The following HIVEP3 variants were observed in gnomAD, a reference collection of about 807,000 sequenced individuals.
HIVEP3 encodes transcription factor HIVEP3.
Under a neutral mutation model 152.8 loss-of-function variants are expected in HIVEP3, and 49 were observed. That is an observed-to-expected ratio of 0.32 (90% CI 0.26 to 0.41). The LOEUF is 0.41. HIVEP3 is among the 10% of genes least tolerant of loss of function. The pLI is 1.00. For missense variants in HIVEP3, 2,790 were observed against 3,103.3 expected, an observed-to-expected ratio of 0.90 and a Z score of 2.40; for synonymous variants, 1,269 against 1,289.0, an observed-to-expected ratio of 0.98 and a Z score of 0.33.
chr1:41,530,910 G>A (rs567850799), intron 5 of HIVEP3, among the ~76,000 whole-genome samples: 1 of 152,250 alleles, frequency 6.6e-6, no homozygotes, highest in Non-Finnish European at 1.5e-5. Context: ...CCTTGACTTG[G>A]GGCGGGGTGT....
upstream of HIVEP3, among the ~76,000 whole-genome samples, chr1:41,923,832 A>G (rs1459639894): frequency 1.3e-5 from 2 of 152,216 alleles, no homozygotes; most frequent in Non-Finnish European, 2.9e-5. Context: ...TTTCACATAC[A>G]CAAAAATTCC....
At chr1:41,857,239 C>A (rs1643793097) in intron 1 of HIVEP3, among the ~76,000 whole-genome samples, 1 of 152,190 alleles carries the variant, frequency 6.6e-6, no homozygotes, top group South Asian at 2.1e-4. Flanking sequence ...AAGCCAAGGT[C>A]CCGGCTTCTC....
At chr1:41,820,125 T>C (rs1642547120) in intron 1 of HIVEP3, among the ~76,000 whole-genome samples, 1 of 152,204 alleles carries the variant, frequency 6.6e-6, no homozygotes, top group Admixed American at 6.5e-5. Flanking sequence ...AAATATTCCA[T>C]ATCCCCCATA....
chr1:41,582,102 T>G lies in HIVEP3; in HGVS notation c.2696A>C (p.Glu899Ala). ...CCTCTTCTTTTTGGGTGGCAGCTTC[T>G]CAGCTGGGAGCTGGGCAAGTGTCTG... ...RSQTLAQLPA[E>A]KLPPKKKRLR... is the part of the protein sequence containing the mutation. The change falls in exon 4 of 9, where the codon GAG becomes GCG. Residue 899 changes from glutamate (E) to alanine (A), a missense_variant. Glu to Ala is a moderately radical substitution (Grantham distance 107). This residue lies in a region of HIVEP3 where 1,078 missense variants were observed against 1,165.3 expected (regional missense o/e 0.93). Coordinates refer to ENST00000372583, the MANE Select transcript of HIVEP3 (RefSeq NM_024503.5). This position sits in a 1 kb window ranked among gnomAD's most constrained non-coding sequence, Gnocchi z 4.7. 6.2e-7 allele frequency: 1 copy of G among 1,614,184 alleles called. No individual in the cohort carries two copies. The highest frequency in any genetic ancestry group is 8.5e-7 in the Non-Finnish European group (1 of 1,180,026).
chr1:41,646,812 A>G (rs1336523445), intron 2 of HIVEP3, among the ~76,000 whole-genome samples: 1 of 152,188 alleles, frequency 6.6e-6, no homozygotes, highest in Non-Finnish European at 1.5e-5. Flanking sequence ...AAAACAACAC[A>G]AACTTATTAT....
chr1:41,537,632 T>C (rs1643431699), intron 5 of HIVEP3, among the ~76,000 whole-genome samples: 1 of 152,202 alleles, frequency 6.6e-6, no homozygotes, highest in Non-Finnish European at 1.5e-5. Flanking sequence ...GTGTCTCTCT[T>C]AAAAATATTC....
chr1:42,000,364 C>A (rs892503427), intron 1 of HIVEP3, among the ~76,000 whole-genome samples: 7 of 152,304 alleles, frequency 4.6e-5, no homozygotes, highest in African/African-American at 1.4e-4. Flanking sequence ...CTTCCCTAAA[C>A]CAGCCACTGT....
chr1:41,989,649 C>T (rs1032868336), intron 1 of HIVEP3, among the ~76,000 whole-genome samples: 1 of 151,654 alleles, frequency 6.6e-6, no homozygotes, highest in African/African-American at 2.4e-5. Flanking sequence ...AAAACAACAA[C>T]AAAAAAAGCC....
chr1:42,029,188 G>A (rs547571031), intron 1 of HIVEP3, among the ~76,000 whole-genome samples: 2 of 152,176 alleles, frequency 1.3e-5, no homozygotes, highest in South Asian at 2.1e-4. Context: ...TCTCAGGGGG[G>A]TTCAGTGTGA....
intron 5 of HIVEP3, among the ~76,000 whole-genome samples, chr1:41,572,157 G>A (rs1382274832): frequency 6.6e-6 from 1 of 152,210 alleles, no homozygotes; most frequent in Non-Finnish European, 1.5e-5. Flanking sequence ...TAAGTGTGAG[G>A]TGTGAATTTC....
At chr1:41,772,415 C>G (rs893087806) in intron 1 of HIVEP3, among the ~76,000 whole-genome samples, 1 of 152,146 alleles carries the variant, frequency 6.6e-6, no homozygotes, top group Non-Finnish European at 1.5e-5. Context: ...TTTTCTGGCA[C>G]TTGCAGCCAA....
chr1:41,696,591 C>T (rs2124119113), intron 2 of HIVEP3, among the ~76,000 whole-genome samples: 1 of 152,370 alleles, frequency 6.6e-6, no homozygotes, highest in South Asian at 2.1e-4. Context: ...TGCCTCCAAG[C>T]AGCCACCCGG....
intron 1 of HIVEP3, among the ~76,000 whole-genome samples, chr1:41,762,202 G>C (rs1350301924): frequency 6.6e-6 from 1 of 152,180 alleles, no homozygotes; most frequent in Admixed American, 6.5e-5. Flanking sequence ...CCCAACTTCA[G>C]ATGGGGGACC....
intron 3 of HIVEP3, among the ~76,000 whole-genome samples, chr1:41,599,423 A>G (rs991823997): frequency 1.3e-5 from 2 of 152,216 alleles, no homozygotes; most frequent in African/African-American, 4.8e-5. Context: ...ATTGTGCTTC[A>G]TTAAAATTTA....
At position 41,635,223 on chromosome 1, in the gene HIVEP3, C is replaced by T. The variant is rs183208377; in HGVS notation, c.-720-6276G>A. On this transcript the variant is annotated intron_variant, in intron 2 of 8. Transcript: ENST00000372583. ...ACTCTTGAATCAAAGAGGACAGCAA[C>T]GCTATCGTAGGATAATTATAAATGT... is the stretch of plus-strand genomic sequence containing the variant. Among the ~76,000 whole-genome samples the T allele has an allele frequency of 3.9e-4, 59 of 152,166 alleles. 1 individual carries two copies. The East Asian group carries it at 4.3e-3, about 11-fold the overall frequency.
chr1:41,644,548 T>C (rs1645428304), intron 2 of HIVEP3, among the ~76,000 whole-genome samples: 2 of 152,208 alleles, frequency 1.3e-5, no homozygotes, highest in South Asian at 4.1e-4. Context: ...TGTGTCTTTC[T>C]CTGCTGCTCC....
chr1:41,579,346 T>A (rs12564769), intron 4 of HIVEP3, among the ~76,000 whole-genome samples: 28,505 of 152,122 alleles, frequency 0.19, 3,422 homozygotes, highest in East Asian at 0.47. Flanking sequence ...ACAAGGGATA[T>A]CCATATAATG....
At chr1:41,728,523 A>T (rs1453617893) in intron 1 of HIVEP3, among the ~76,000 whole-genome samples, 1 of 152,058 alleles carries the variant, frequency 6.6e-6, no homozygotes, top group Non-Finnish European at 1.5e-5. Context: ...AGCATGAGCA[A>T]ATGTGCAGGG....
chr1:41,825,460 T>C (rs1642773302), intron 1 of HIVEP3, among the ~76,000 whole-genome samples: 1 of 152,038 alleles, frequency 6.6e-6, no homozygotes, highest in African/African-American at 2.4e-5. Context: ...TCAGTAGAGA[T>C]GGGGTTTCTA....
Sources: gnomAD v4.1 joint callset for allele counts (sites outside exome capture counted in the v4.1 genomes callset) on GRCh38, gnomAD v4.1.1 for gene constraint, gnomAD v4.1.1 regional missense constraint, Gnocchi (gnomAD v3.1) non-coding constraint, MANE v1.5 for transcripts, NCBI Gene and HGNC (gene_info 2026-07-23, HGNC 2026-07-21) for gene names.